Variants in HTR4 observed in about 807,000 individuals in gnomAD.
HTR4 encodes 5-hydroxytryptamine receptor 4.
In HTR4, 16 loss-of-function variants were observed where a neutral mutation model predicts 36.8. That is an observed-to-expected ratio of 0.43 (90% CI 0.29 to 0.66). The LOEUF is 0.66. Ranked by LOEUF, HTR4 falls within the 30% of genes least tolerant of loss-of-function variation. The pLI is 0.13. For missense variants in HTR4, 438 were observed against 490.9 expected (o/e 0.89, Z 1.02); for synonymous variants, 189 against 185.1 (o/e 1.02, Z -0.17).
At chr5:148,512,969 T>C (rs746570978) in intron 5 of HTR4, among the ~76,000 whole-genome samples, 10 of 151,816 alleles carry the variant, frequency 6.6e-5, no homozygotes, top group Admixed American at 1.3e-4. Context: ...TTCTTTTACA[T>C]GATCAGTTAG....
At chr5:148,618,220 G>T (rs1477776353) in intron 2 of HTR4, among the ~76,000 whole-genome samples, 1 of 152,144 alleles carries the variant, frequency 6.6e-6, no homozygotes, top group Non-Finnish European at 1.5e-5. Flanking sequence ...GAAGCCTGAT[G>T]ACACAGTTCA....
chr5:148,480,926 TTA>T (rs1376371719), downstream of HTR4, among the ~76,000 whole-genome samples: 1 of 152,198 alleles, frequency 6.6e-6, no homozygotes, highest in Admixed American at 6.5e-5. Context: ...CACAAAAAAA[TTA>T]TCTTATATCT....
chr5:148,490,560 C>T (rs1756370888), intron 6 of HTR4: 5 of 1,119,268 alleles, frequency 4.5e-6, no homozygotes, highest in Admixed American at 9.9e-5. Context: ...CACAGAATCA[C>T]AAAAAAAGGG....
chr5:148,504,610 A>G (rs1294949415), intron 6 of HTR4, among the ~76,000 whole-genome samples: 1 of 152,184 alleles, frequency 6.6e-6, no homozygotes, highest in African/African-American at 2.4e-5. Context: ...AAACACATTC[A>G]AAAGCTAGCA....
At chr5:148,616,911 A>G (rs1044841687) in intron 2 of HTR4, among the ~76,000 whole-genome samples, 9 of 152,246 alleles carry the variant, frequency 5.9e-5, no homozygotes, top group Non-Finnish European at 1.2e-4. Flanking sequence ...TTAACAGGGT[A>G]AATGATCAGC....
chr5:148,600,569 A>T (rs1260389535), intron 2 of HTR4, among the ~76,000 whole-genome samples: 1 of 151,730 alleles, frequency 6.6e-6, no homozygotes, highest in Non-Finnish European at 1.5e-5. Context: ...TTGCAGTTTT[A>T]TACACTAGTA....
intron 4 of HTR4, among the ~76,000 whole-genome samples, chr5:148,535,198 C>A (rs978125436): frequency 6.6e-5 from 10 of 152,278 alleles, no homozygotes; most frequent in Admixed American, 3.3e-4. Context: ...AATGCCTTGG[C>A]CCTGTGAAAG....
chr5:148,509,740 G>A lies in HTR4; in HGVS notation c.792C>T (p.Ile264=). The part of the protein sequence containing the change: ...ETKAAKTLCI[I]MGCFCLCWAP... ...CCCAGCAGAGGCAGAAGCAACCCATGATGATGCACAGGGTCTTGGCTGCTT... is the reference window on the plus strand; with the variant it reads ...CCCAGCAGAGGCAGAAGCAACCCATAATGATGCACAGGGTCTTGGCTGCTT... Residue 264 remains isoleucine (I), a synonymous_variant, in exon 6 of 7, where the codon ATC becomes ATT. Transcript: ENST00000377888. The A allele has an allele frequency of 6.2e-7, 1 of 1,614,094 alleles. No homozygotes were observed. The highest frequency in any genetic ancestry group is 8.5e-7 in the Non-Finnish European group (1 of 1,180,012).
At chr5:148,484,750 TG>T (rs1035061263) in intron 6 of HTR4, among the ~76,000 whole-genome samples, 2 of 152,352 alleles carry the variant, frequency 1.3e-5, no homozygotes, top group Admixed American at 1.3e-4. Context: ...TAACTATTTC[TG>T]GGTTAGATCT....
intron 1 of HTR4, among the ~76,000 whole-genome samples, chr5:148,643,977 T>A (rs532482169): frequency 6.6e-6 from 1 of 152,312 alleles, no homozygotes; most frequent in South Asian, 2.1e-4. Context: ...AGGGGCTGTT[T>A]ATTGCAGAGC....
chr5:148,490,701 C>T (rs771772011), intron 6 of HTR4: 9 of 1,223,664 alleles, frequency 7.4e-6, no homozygotes, highest in Non-Finnish European at 9.4e-6. Context: ...CAATTGTCTC[C>T]TTCAACTTTA....
At chr5:148,516,312 C>CTTTTTTTTTTTTTTTTTTTTTTTTTTT (rs954784476) in intron 5 of HTR4, among the ~76,000 whole-genome samples, 15 of 76,472 alleles carry the variant, frequency 2.0e-4, no homozygotes, top group East Asian at 7.9e-4. Context: ...ATTCCCCCCT[C>CTTTTTTTTTTTTTTTTTTTTTTTTTTT]TTTTTTTTTT....
intron 2 of HTR4, among the ~76,000 whole-genome samples, chr5:148,630,698 T>C (rs1197108564): frequency 5.3e-5 from 8 of 152,166 alleles, no homozygotes; most frequent in East Asian, 1.9e-4. Flanking sequence ...CCTCTCATGA[T>C]ACTCGTGATG....
At chr5:148,498,749 T>G (rs918101815) in intron 6 of HTR4, among the ~76,000 whole-genome samples, 2 of 152,180 alleles carry the variant, frequency 1.3e-5, no homozygotes, top group African/African-American at 4.8e-5. Context: ...AAGAGTTTGA[T>G]CCCAATCCTG....
intron 2 of HTR4, among the ~76,000 whole-genome samples, chr5:148,593,829 C>T (rs1561639467): frequency 6.6e-6 from 1 of 152,130 alleles, no homozygotes; most frequent in African/African-American, 2.4e-5. Context: ...TTGCAAATTT[C>T]TCTTGAATGC....
At chr5:148,609,801 C>T (rs928470575) in intron 2 of HTR4, among the ~76,000 whole-genome samples, 4 of 152,016 alleles carry the variant, frequency 2.6e-5, no homozygotes, top group Admixed American at 1.3e-4. Flanking sequence ...CTCCTGAACT[C>T]GTGATCCACC....
chr5:148,616,497 T>C (rs1350282139), intron 2 of HTR4, among the ~76,000 whole-genome samples: 2 of 152,196 alleles, frequency 1.3e-5, no homozygotes. Flanking sequence ...TATCTGCTAG[T>C]GAGCAACTCC....
intron 2 of HTR4, among the ~76,000 whole-genome samples, chr5:148,567,916 G>A (rs1239286410): frequency 1.3e-5 from 2 of 152,060 alleles, no homozygotes; most frequent in Admixed American, 6.6e-5. Context: ...ATAGATAAGT[G>A]CCACGAAAGC....
intron 2 of HTR4, among the ~76,000 whole-genome samples, chr5:148,605,899 G>A (rs771403415): frequency 1.3e-5 from 2 of 151,988 alleles, no homozygotes; most frequent in South Asian, 2.1e-4. Context: ...TCTTTGATGC[G>A]GATTAATTAA....
Sources: gnomAD v4.1 joint callset for allele counts (sites outside exome capture counted in the v4.1 genomes callset) on GRCh38, gnomAD v4.1.1 for gene constraint, MANE v1.5 for transcripts, NCBI Gene and HGNC (gene_info 2026-07-23, HGNC 2026-07-21) for gene names.